Variants in SOX5 observed in about 807,000 individuals in gnomAD.
SOX5 encodes transcription factor SOX-5.
In SOX5, 9 loss-of-function variants were observed where a neutral mutation model predicts 92.0. The observed-to-expected ratio is 0.10, with a 90% confidence interval of 0.06 to 0.17. The LOEUF (loss-of-function observed/expected upper bound fraction) is 0.17, where lower values mean the gene tolerates loss of function less well. SOX5 is among the 10% of genes least tolerant of loss of function. SOX5 has a pLI of 1.00. For missense variants in SOX5, 642 were observed against 944.5 expected, an observed-to-expected ratio of 0.68 and a Z score of 4.20; for synonymous variants, 344 against 336.3, an observed-to-expected ratio of 1.02 and a Z score of -0.25.
At chr12:23,726,164 AGAGAGAGAGAGG>A (rs1238285442) in intron 6 of SOX5, among the ~76,000 whole-genome samples, 3 of 65,634 alleles carry the variant, frequency 4.6e-5, no homozygotes, top group Non-Finnish European at 9.7e-5. Context: ...AGAGAGAGAG[AGAGAGAGAGAGG>A]TCAGTTTCTC....
At chr12:24,546,075 G>C (rs1408596169) in intron 1 of SOX5, among the ~76,000 whole-genome samples, 1 of 152,162 alleles carries the variant, frequency 6.6e-6, no homozygotes, top group African/African-American at 2.4e-5. Context: ...ACTGTTAGAG[G>C]CACCATCGTT....
At chr12:24,198,308 T>A (rs1957196272) in intron 4 of SOX5, among the ~76,000 whole-genome samples, 1 of 152,204 alleles carries the variant, frequency 6.6e-6, no homozygotes, top group Admixed American at 6.5e-5. Context: ...TCTTTTCCAC[T>A]TGGATAATGA....
intron 1 of SOX5, among the ~76,000 whole-genome samples, chr12:23,919,491 T>G (rs1394938321): frequency 6.6e-6 from 1 of 152,240 alleles, no homozygotes; most frequent in South Asian, 2.1e-4. Flanking sequence ...AATGTGGTAA[T>G]AAAATGCAGC....
chr12:23,712,618 G>A (rs974393095), intron 6 of SOX5, among the ~76,000 whole-genome samples: 6 of 152,192 alleles, frequency 3.9e-5, no homozygotes, highest in Non-Finnish European at 7.3e-5. Context: ...ACATCTAAGT[G>A]TATGCAACTA....
Position 24,317,929 on chromosome 12 carries a change from G to T in SOX5, c.-173-40617C>A, listed in dbSNP as rs144957024. 3.2e-3 allele frequency among the ~76,000 whole-genome samples: 485 copies of T among 152,230 alleles called. 5 individuals carry two copies. The highest frequency in any genetic ancestry group is 0.011 in the African/African-American group (457 of 41,550). On this transcript the variant is annotated intron_variant, in intron 2 of 4. Transcript: ENST00000446891. ...AATATTAGGAATATAAATATTTCAG[G>T]CTGGGTGTTGGTGGCTCACGCCTGT...
intron 4 of SOX5, among the ~76,000 whole-genome samples, chr12:24,082,984 T>C (rs1425417915): frequency 6.6e-6 from 1 of 152,008 alleles, no homozygotes. Context: ...TTGGTCACGC[T>C]TAGCTGCCCT....
chr12:24,093,703 T>TG (rs1273474035), intron 4 of SOX5, among the ~76,000 whole-genome samples: 1 of 151,528 alleles, frequency 6.6e-6, no homozygotes, highest in Non-Finnish European at 1.5e-5. Context: ...TTTTTTTTTT[T>TG]TTTTAATTGA....
chr12:24,398,570 G>A (rs1960663937), intron 1 of SOX5, among the ~76,000 whole-genome samples: 1 of 152,046 alleles, frequency 6.6e-6, no homozygotes, highest in Non-Finnish European at 1.5e-5. Context: ...CACACACAGT[G>A]GTACTTGTGT....
chr12:24,252,053 C>T (rs908891785), intron 3 of SOX5, among the ~76,000 whole-genome samples: 11 of 151,808 alleles, frequency 7.2e-5, no homozygotes, highest in Non-Finnish European at 1.5e-4. Flanking sequence ...ATCATTTTTG[C>T]TTTTGCCAAC....
chr12:24,151,702 A>C (rs1030085495), intron 4 of SOX5, among the ~76,000 whole-genome samples: 1 of 152,132 alleles, frequency 6.6e-6, no homozygotes, highest in Non-Finnish European at 1.5e-5. Flanking sequence ...AATGAACACA[A>C]TATACTCTGC....
chr12:23,727,470 G>GA lies in SOX5; in HGVS notation c.810+7213dup, dbSNP rs1431720683. ...AATAATAAGACCAATAACATAAGGA[G>GA]AAAAAATAACAGAAATTGGCAGTTG... On this transcript the variant is annotated intron_variant, in intron 6 of 14. Transcript: ENST00000451604. Among the ~76,000 whole-genome samples the GA allele has an allele frequency of 9.9e-5, 15 of 152,030 alleles. No individual in the cohort carries two copies. In the East Asian group the frequency reaches 2.5e-3, roughly 25 times the overall value.
At chr12:24,010,864 G>A (rs1410351984) in intron 4 of SOX5, among the ~76,000 whole-genome samples, 1 of 152,000 alleles carries the variant, frequency 6.6e-6, no homozygotes, top group Non-Finnish European at 1.5e-5. Flanking sequence ...GCTTGAACCT[G>A]GGAGGCAGAC....
chr12:23,969,826 A>G (rs1412765180), intron 4 of SOX5, among the ~76,000 whole-genome samples: 1 of 152,242 alleles, frequency 6.6e-6, no homozygotes, highest in Admixed American at 6.5e-5. Flanking sequence ...ATCAGGTACC[A>G]GTTCAAAGAT....
intron 8 of SOX5, among the ~76,000 whole-genome samples, chr12:23,637,443 C>A (rs533115887): frequency 1.3e-5 from 2 of 152,236 alleles, no homozygotes; most frequent in African/African-American, 4.8e-5. Context: ...ACCATACTCC[C>A]CTCATTAAAA....
intron 9 of SOX5, among the ~76,000 whole-genome samples, chr12:23,584,223 C>T (rs1376498917): frequency 1.3e-5 from 2 of 151,784 alleles, no homozygotes; most frequent in East Asian, 1.9e-4. Flanking sequence ...CATGAAGGCA[C>T]GGATAGCCCA....
intron 8 of SOX5, among the ~76,000 whole-genome samples, chr12:23,621,392 A>T (rs1334040102): frequency 6.6e-6 from 1 of 152,124 alleles, no homozygotes; most frequent in Non-Finnish European, 1.5e-5. Context: ...GTTATATAAC[A>T]TTGTATATAA....
rs187575713 is a variant in SOX5, at chr12:23,820,344, T to C, written c.481+25639A>G. On this transcript the variant is annotated intron_variant, in intron 3 of 14. Transcript: ENST00000451604. The stretch of plus-strand genomic sequence containing the variant: ...ATTAGCCCTTTGTCAGATGGATAGA[T>C]TGCAAAAATTTTCTCCCATTCTGTA... 2.4e-3 allele frequency among the ~76,000 whole-genome samples: 364 copies of C among 152,320 alleles called. 2 individuals are homozygous for C. The highest frequency in any genetic ancestry group is 8.4e-3 in the African/African-American group (350 of 41,574).
At chr12:24,319,888 G>C (rs1287585434) in intron 2 of SOX5, among the ~76,000 whole-genome samples, 1 of 152,110 alleles carries the variant, frequency 6.6e-6, no homozygotes, top group Non-Finnish European at 1.5e-5. Context: ...CCTCTTCTCT[G>C]ATGGCTTCCA....
intron 1 of SOX5, among the ~76,000 whole-genome samples, chr12:24,414,360 GA>G (rs577369359): frequency 3.3e-5 from 5 of 151,988 alleles, no homozygotes; most frequent in South Asian, 4.2e-4. Flanking sequence ...CCCATTGGGG[GA>G]AAAAAAATCA....
Sources: allele counts gnomAD v4.1 joint callset (sites outside exome capture counted in the v4.1 genomes callset), GRCh38; gene constraint gnomAD v4.1.1; transcripts MANE v1.5; gene names NCBI Gene and HGNC (gene_info 2026-07-23, HGNC 2026-07-21).